Variants in FRMD3 observed in about 807,000 individuals in gnomAD.
The protein encoded by FRMD3 is FERM domain-containing protein 3.
Under a neutral mutation model 70.2 loss-of-function variants are expected in FRMD3, and 33 were observed. That is an observed-to-expected ratio of 0.47 (90% CI 0.36 to 0.63). The LOEUF (loss-of-function observed/expected upper bound fraction) is 0.63. FRMD3 is among the 20% of genes least tolerant of loss of function. The pLI, the probability that FRMD3 is intolerant of heterozygous loss-of-function variation, is 0.00. For missense variants in FRMD3, 632 were observed against 711.4 expected (o/e 0.89, Z 1.27); for synonymous variants, 279 against 255.9 (o/e 1.09, Z -0.86).
rs1449583442 is a variant in FRMD3, at chr9:83,537,166, GCACGCGCAACCACATGCACACA to G, written c.147+897_147+918del. ...ATTCACCCACAGCAAATATGCACAC[GCACGCGCAACCACATGCACACA>G]CACACCTTTGCACCTCACACTAGCT... On this transcript the variant is annotated intron_variant, in intron 1 of 13. Transcript: ENST00000304195. This position sits in a 1 kb window ranked among gnomAD's most constrained non-coding sequence, Gnocchi z 4.1. 6.6e-6 allele frequency among the ~76,000 whole-genome samples: 1 copy of G among 151,924 alleles called. No individual in the cohort carries two copies. The highest frequency in any genetic ancestry group is 2.4e-5 in the African/African-American group (1 of 41,338).
chr9:83,313,597 C>T (rs902750974), intron 7 of FRMD3, 63 bp downstream of exon 7: 1 of 1,320,776 alleles, frequency 7.6e-7, no homozygotes, highest in Non-Finnish European at 1.1e-6. Context: ...GGCCTGCGCA[C>T]AGATAAACTC....
intron 13 of FRMD3, among the ~76,000 whole-genome samples, chr9:83,255,917 A>T (rs1480203512): frequency 1.3e-5 from 2 of 152,210 alleles, no homozygotes; most frequent in Non-Finnish European, 2.9e-5. Context: ...GGATAGGACG[A>T]CTCAATATTG....
chr9:83,357,681 T>A (rs1824446444), intron 3 of FRMD3, among the ~76,000 whole-genome samples: 1 of 152,218 alleles, frequency 6.6e-6, no homozygotes, highest in African/African-American at 2.4e-5. Context: ...TTAGTGATGT[T>A]GAGCATTTTC....
rs1832053422 is a variant in FRMD3, at chr9:83,245,567, A to G, written c.*2351T>C. 1.1e-6 allele frequency: 1 copy of G among 894,904 alleles called. No homozygotes were observed. Among genetic ancestry groups the G allele is most frequent in the African/African-American group, 1.8e-5 (1 of 55,524 alleles). 55.4% of individuals were successfully genotyped at this position (894,904 alleles called of 1,614,324 possible). On this transcript the variant is annotated 3_prime_UTR_variant, in exon 14 of 14. Transcript: ENST00000304195. ...TAATATATTTATTACTCCTTAAGAT[A>G]AATCTGCATCGTTGGATTACATGTG...
chr9:83,244,574 C>CCTGA, downstream of FRMD3: 1 of 638,366 alleles, frequency 1.6e-6, no homozygotes, highest in Non-Finnish European at 1.9e-6. Flanking sequence ...TTTCCAACAA[C>CCTGA]CTGACTATAC....
At chr9:83,261,100 TAGACACACACACAC>T (rs1832964701) in intron 13 of FRMD3, among the ~76,000 whole-genome samples, 1 of 27,010 alleles carries the variant, frequency 3.7e-5, no homozygotes, top group African/African-American at 9.8e-5. Context: ...AAAGGAAACT[TAGACACACACACAC>T]ACACACACAC....
chr9:83,545,969 C>A, the FRMD3 span, among the ~76,000 whole-genome samples: 75,777 of 151,518 alleles, frequency 0.5, 19,247 homozygotes, highest in African/African-American at 0.57. Context: ...ACTGTCTAAT[C>A]ACCTGTAAAG....
chr9:83,457,364 G>A (rs1356002920), intron 1 of FRMD3, among the ~76,000 whole-genome samples: 1 of 151,946 alleles, frequency 6.6e-6, no homozygotes, highest in Non-Finnish European at 1.5e-5. Context: ...GAAGATGAAG[G>A]GCAAATTAAG....
intron 6 of FRMD3, among the ~76,000 whole-genome samples, chr9:83,316,161 C>CTTTTTTTTTTTTTTTT (rs34851421): frequency 1.2e-4 from 14 of 112,602 alleles, no homozygotes; most frequent in African/African-American, 1.8e-4. Context: ...TTTTTTTTTT[C>CTTTTTTTTTTTTTTTT]TTTTTTTTTT....
chr9:83,292,490 T>C (rs1390678426), intron 12 of FRMD3, among the ~76,000 whole-genome samples: 1 of 151,740 alleles, frequency 6.6e-6, no homozygotes, highest in Non-Finnish European at 1.5e-5. Context: ...AATCTCCCTG[T>C]ACCCAAACAC....
In FRMD3 at chr9:83,286,554, A is replaced by C. The variant is rs534441094; in HGVS notation, c.1195+4049T>G. On this transcript the variant is annotated intron_variant, in intron 13 of 13. Transcript: ENST00000304195. ...ACCATGTTGGTCAGGCTAGTCTCGAACTCCTGACCTCAGGTGATCCACCCG... is the reference window on the plus strand; with the variant it reads ...ACCATGTTGGTCAGGCTAGTCTCGACCTCCTGACCTCAGGTGATCCACCCG... Among the ~76,000 whole-genome samples the C allele has an allele frequency of 7.9e-5, 12 of 151,946 alleles. No homozygotes were observed. The South Asian group carries it at 2.1e-3, about 26-fold the overall frequency.
intron 2 of FRMD3, among the ~76,000 whole-genome samples, chr9:83,386,452 C>T (rs754869984): frequency 4.6e-5 from 7 of 152,230 alleles, no homozygotes; most frequent in South Asian, 2.1e-4. Flanking sequence ...TTAAAAGTTA[C>T]GTTAAATAGA....
chr9:83,350,060 C>G (rs1442166279), intron 3 of FRMD3, among the ~76,000 whole-genome samples: 1 of 152,162 alleles, frequency 6.6e-6, no homozygotes, highest in African/African-American at 2.4e-5. Context: ...CAGCACACAG[C>G]TCCAGAGAAC....
intron 10 of FRMD3, among the ~76,000 whole-genome samples, chr9:83,300,537 G>A (rs902125602): frequency 6.6e-6 from 1 of 152,188 alleles, no homozygotes; most frequent in African/African-American, 2.4e-5. Context: ...GGACTTTATA[G>A]ACTCAGAAGG....
chr9:83,395,319 C>CT (rs1825782153), intron 1 of FRMD3, among the ~76,000 whole-genome samples: 1 of 148,114 alleles, frequency 6.8e-6, no homozygotes, highest in African/African-American at 2.5e-5. Context: ...GAACTCAATT[C>CT]TTTTTTTTAT....
At chr9:83,319,808 G>T (rs1447274717) in intron 6 of FRMD3, among the ~76,000 whole-genome samples, 1 of 152,166 alleles carries the variant, frequency 6.6e-6, no homozygotes, top group Non-Finnish European at 1.5e-5. Flanking sequence ...CTCTTTGCCT[G>T]CTGCCATCCA....
chr9:83,249,076 C>T (rs907893724), intron 13 of FRMD3, among the ~76,000 whole-genome samples: 2 of 152,156 alleles, frequency 1.3e-5, no homozygotes, highest in African/African-American at 4.8e-5. Context: ...TATGTTTAAA[C>T]AAATTCCCAT....
rs1413820434 is a variant in FRMD3, at chr9:83,309,530, A to G, written c.926+6T>C. ...AGCTATAATTAAATGAATAAAAGCC[A>G]CTTACTTATAAAAGGCCTGGTTTTC... On this transcript the variant is annotated splice_donor_region_variant and intron_variant, in intron 10 of 13. Transcript: ENST00000304195. 8 of 1,558,076 alleles carry G rather than the reference A, an allele frequency of 5.1e-6. No individual in the cohort carries two copies. Among genetic ancestry groups the G allele is most frequent in the Non-Finnish European group, 5.2e-6 (6 of 1,145,604 alleles).
chr9:83,378,855 A>G (rs543782570), intron 2 of FRMD3, among the ~76,000 whole-genome samples: 48 of 128,966 alleles, frequency 3.7e-4, no homozygotes, highest in African/African-American at 1.5e-3. Context: ...TAAATTTTAT[A>G]TAAATATATA....
Sources: gnomAD v4.1 joint callset for allele counts (sites outside exome capture counted in the v4.1 genomes callset) on GRCh38, gnomAD v4.1.1 for gene constraint, Gnocchi (gnomAD v3.1) non-coding constraint, MANE v1.5 for transcripts, NCBI Gene and HGNC (gene_info 2026-07-23, HGNC 2026-07-21) for gene names.